CCL17: variants seen among roughly 807,000 people sequenced by gnomAD.
CCL17 encodes the protein C-C motif chemokine ligand 17.
A neutral mutation model predicts 7.4 loss-of-function variants in CCL17; 8 were observed. That is an observed-to-expected ratio of 1.09 (90% CI 0.64 to 1.96). The LOEUF (loss-of-function observed/expected upper bound fraction) is 1.96. Ranked by LOEUF, CCL17 falls within the 30% of genes most tolerant of loss-of-function variation. The pLI is 0.00. For missense variants in CCL17, 102 were observed against 113.0 expected (o/e 0.90, Z 0.44); for synonymous variants, 40 against 46.1 (o/e 0.87, Z 0.54).
chr16:57,398,528 T>C, the CCL17 span, among the ~76,000 whole-genome samples: 1 of 152,212 alleles, frequency 6.6e-6, no homozygotes, highest in African/African-American at 2.4e-5. Flanking sequence ...TAGAGAGGCT[T>C]GGCCATCTCG....
At chr16:57,414,904 G>A (rs1313410358) in intron 2 of CCL17, among the ~76,000 whole-genome samples, 177 bp from the exon 3 acceptor site, 6 of 151,914 alleles carry the variant, frequency 3.9e-5, no homozygotes, top group Non-Finnish European at 7.4e-5. Flanking sequence ...ACACACCTGT[G>A]TATGGTAACA....
upstream of CCL17, among the ~76,000 whole-genome samples, chr16:57,402,280 G>A (rs1902605234): frequency 6.6e-6 from 1 of 152,208 alleles, no homozygotes; most frequent in African/African-American, 2.4e-5. Context: ...GTTGAGTCGT[G>A]ACCCCATTCC....
At position 57,415,740 on chromosome 16, in the gene CCL17, C is replaced by T. The variant is rs1902858816; in HGVS notation, c.189-25C>T. ...GGGGGCCCTTCCCCCCCTGCCACTC[C>T]TGGTAACGTCCTCCTTCTGTGTAGT... is the stretch of plus-strand genomic sequence containing the variant. On this transcript the variant is annotated intron_variant, in intron 3 of 3. Coordinates refer to ENST00000219244, the MANE Select transcript of CCL17 (RefSeq NM_002987.3). This position sits in a 1 kb window ranked among gnomAD's most constrained non-coding sequence, Gnocchi z 4.5. The T allele has an allele frequency of 6.6e-7, 1 of 1,519,660 alleles. No homozygotes were observed. Among genetic ancestry groups the T allele is most frequent in the Admixed American group, 1.7e-5 (1 of 59,880 alleles). The allele number at this position is 1,519,660 out of a possible 1,614,324, so 94.1% of individuals were successfully genotyped here.
At chr16:57,403,184 TAA>T (rs1346699143), upstream of CCL17, among the ~76,000 whole-genome samples, 40 of 49,736 alleles carry the variant, frequency 8.0e-4, 6 homozygotes, top group African/African-American at 3.5e-3. Flanking sequence ...ATAATATATA[TAA>T]TATATATTAT....
upstream of CCL17, among the ~76,000 whole-genome samples, chr16:57,404,545 G>A (rs963740554): frequency 2.3e-4 from 35 of 152,090 alleles, no homozygotes; most frequent in African/African-American, 8.0e-4. Flanking sequence ...CTTCAGACTT[G>A]GGGGGTTGGA....
chr16:57,396,763 A>C, the CCL17 span, among the ~76,000 whole-genome samples: 1 of 152,034 alleles, frequency 6.6e-6, no homozygotes, highest in South Asian at 2.1e-4. Flanking sequence ...TGGGGCTTGA[A>C]GTTGTAGGGT....
Position 57,415,729 on chromosome 16 carries a change from C to T in CCL17, c.189-36C>T, listed in dbSNP as rs761147315. On this transcript the variant is annotated intron_variant, in intron 3 of 3. Transcript: ENST00000219244. This position sits in a 1 kb window ranked among gnomAD's most constrained non-coding sequence, Gnocchi z 4.5. ...CCAGGGACTCTGGGGGCCCTTCCCC[C>T]CCTGCCACTCCTGGTAACGTCCTCC... is the stretch of plus-strand genomic sequence containing the variant. The T allele has an allele frequency of 6.9e-5, 97 of 1,403,770 alleles. No individual in the cohort carries two copies. The highest frequency in any genetic ancestry group is 8.3e-5 in the Non-Finnish European group (82 of 988,318). The allele number at this position is 1,403,770 out of a possible 1,614,324, so 87.0% of individuals were successfully genotyped here.
chr16:57,412,758 G>A (rs1354336683), intron 1 of CCL17, among the ~76,000 whole-genome samples: 2 of 152,094 alleles, frequency 1.3e-5, no homozygotes, highest in South Asian at 2.1e-4. Context: ...GAAGGCCATG[G>A]GACTCTCATC....
Position 57,415,169 on chromosome 16 carries a change from A to G in CCL17, c.159A>G (p.Thr53=). ...GAAAGCTGAAGACGTGGTACCAGAC[A>G]TCTGAGGACTGCTCCAGGGATGCCA... The part of the protein sequence containing the change: ...PLRKLKTWYQ[T]SEDCSRDAIV... The change falls in exon 3 of 4, where the codon ACA becomes ACG. Residue 53 remains threonine (T), a synonymous_variant. Transcript: ENST00000219244. The surrounding 1 kb of genome is among the most constrained non-coding windows in gnomAD (Gnocchi z 4.5). 1 of 1,612,882 alleles carries G rather than the reference A, an allele frequency of 6.2e-7. No homozygotes were observed. The highest frequency in any genetic ancestry group is 8.5e-7 in the Non-Finnish European group (1 of 1,178,870).
upstream of CCL17, among the ~76,000 whole-genome samples, chr16:57,399,930 G>A (rs1222902494): frequency 6.6e-6 from 1 of 152,158 alleles, no homozygotes; most frequent in African/African-American, 2.4e-5. Flanking sequence ...CAATCACTGA[G>A]ACACCAAGTA....
At position 57,413,875 on chromosome 16, in the gene CCL17, G is replaced by T; in HGVS notation, c.-58G>T. On this transcript the variant is annotated splice_region_variant and 5_prime_UTR_variant, in exon 2 of 4. Coordinates refer to ENST00000219244, the MANE Select transcript of CCL17 (RefSeq NM_002987.3). Reference sequence around the variant, plus strand: ...ACTGCCACCCTCGACTCTCAGCAGGGTGTCTCCCTGAGCAGAGGGACCTGC... The same window carrying T: ...ACTGCCACCCTCGACTCTCAGCAGGTTGTCTCCCTGAGCAGAGGGACCTGC... 3 of 1,490,738 alleles carry T rather than the reference G, an allele frequency of 2.0e-6. 1 individual carries two copies. Among genetic ancestry groups the T allele is most frequent in the South Asian group, 2.4e-5 (2 of 82,004 alleles). 92.3% of individuals were successfully genotyped at this position (1,490,738 alleles called of 1,614,324 possible). A position where few individuals can be genotyped will look rare whatever the true frequency, so the allele number is the denominator to read the frequency against.
chr16:57,410,300 G>A (rs1483791792), intron 1 of CCL17, among the ~76,000 whole-genome samples: 4 of 152,200 alleles, frequency 2.6e-5, no homozygotes, highest in African/African-American at 9.7e-5. Flanking sequence ...GTTGGGTGTT[G>A]CAGCAGCCCC....
chr16:57,414,796 A>G (rs1352185783), intron 2 of CCL17, among the ~76,000 whole-genome samples: 2 of 152,074 alleles, frequency 1.3e-5, no homozygotes, highest in Non-Finnish European at 2.9e-5. Context: ...AGAGACACAC[A>G]CGTAGGCACT....
chr16:57,402,336 G>A (rs1393874837), upstream of CCL17, among the ~76,000 whole-genome samples: 1 of 152,200 alleles, frequency 6.6e-6, no homozygotes, highest in African/African-American at 2.4e-5. Context: ...CTTTCAAAGA[G>A]GCCAGATCCA....
At chr16:57,404,430 G>A (rs370264805), upstream of CCL17, among the ~76,000 whole-genome samples, 28 of 152,228 alleles carry the variant, frequency 1.8e-4, no homozygotes, top group East Asian at 3.7e-3. Flanking sequence ...AGGAAGAGGC[G>A]TCAGGGATAG....
upstream of CCL17, among the ~76,000 whole-genome samples, chr16:57,400,641 T>C (rs1902579407): frequency 6.6e-6 from 1 of 152,172 alleles, no homozygotes; most frequent in Non-Finnish European, 1.5e-5. Context: ...AGCCTCATTT[T>C]CCAGATGGGA....
intron 1 of CCL17, among the ~76,000 whole-genome samples, chr16:57,409,049 T>G (rs993047565): frequency 2.6e-5 from 4 of 152,336 alleles, no homozygotes; most frequent in African/African-American, 9.6e-5. Context: ...AGGTGCTAAG[T>G]CCTGGAGGGA....
chr16:57,409,453 G>A (rs1372965032), intron 1 of CCL17, among the ~76,000 whole-genome samples: 7 of 152,308 alleles, frequency 4.6e-5, no homozygotes, highest in Admixed American at 2.0e-4. Flanking sequence ...CGTCCTGAGA[G>A]TAACGGGGAG....
chr16:57,400,955 C>T (rs975831559), upstream of CCL17, among the ~76,000 whole-genome samples: 17 of 150,696 alleles, frequency 1.1e-4, no homozygotes, highest in African/African-American at 3.4e-4. Context: ...GTGACAAGAG[C>T]GAGACCCCAT....
Sources: allele counts gnomAD v4.1 joint callset (sites outside exome capture counted in the v4.1 genomes callset), GRCh38; gene constraint gnomAD v4.1.1; non-coding constraint Gnocchi (gnomAD v3.1); transcripts MANE v1.5; gene names NCBI Gene and HGNC (gene_info 2026-07-23, HGNC 2026-07-21).